The following SORCS3 variants were observed in gnomAD, a reference collection of about 807,000 sequenced individuals.
The protein encoded by SORCS3 is VPS10 domain-containing receptor SorCS3.
SORCS3 carries 57 observed loss-of-function variants against 146.3 expected under a neutral mutation model. The ratio of observed to expected loss-of-function variants is 0.39; its 90% CI spans 0.31 to 0.49. The LOEUF (loss-of-function observed/expected upper bound fraction) is 0.49. Among genes scored for constraint, SORCS3 ranks in the 20% least tolerant of loss-of-function variants. The pLI is 0.92. For synonymous variants in SORCS3, 653 were observed against 618.5 expected (o/e 1.06, Z -0.83); for missense variants, 1,341 against 1,575.5 (o/e 0.85, Z 2.52).
chr10:105,172,888 A>C (rs9664351), intron 13 of SORCS3, among the ~76,000 whole-genome samples: 14,753 of 152,232 alleles, frequency 0.097, 852 homozygotes, highest in Admixed American at 0.16. Context: ...TGTAGTTGAC[A>C]AATGACTCCA....
At chr10:104,809,225 C>T (rs538096251) in intron 1 of SORCS3, among the ~76,000 whole-genome samples, 28 of 152,290 alleles carry the variant, frequency 1.8e-4, no homozygotes, top group African/African-American at 5.8e-4. Context: ...GTTGCCTAAG[C>T]GTTCTGTGAG....
At chr10:105,092,375 T>G (rs2055716396) in intron 6 of SORCS3, among the ~76,000 whole-genome samples, 1 of 152,208 alleles carries the variant, frequency 6.6e-6, no homozygotes, top group Admixed American at 6.5e-5. Flanking sequence ...TTTATTTTAT[T>G]TTTTCATTAT....
intron 4 of SORCS3, among the ~76,000 whole-genome samples, chr10:105,010,269 T>G (rs2133680511): frequency 6.6e-6 from 1 of 152,368 alleles, no homozygotes; most frequent in South Asian, 2.1e-4. Context: ...CAGGGATTGT[T>G]GATAATTCTA....
intron 1 of SORCS3, among the ~76,000 whole-genome samples, chr10:104,791,355 C>T (rs770574335): frequency 2.0e-5 from 3 of 152,160 alleles, no homozygotes; most frequent in Non-Finnish European, 2.9e-5. Flanking sequence ...GACAAACAGC[C>T]TTTCCTTTTC....
chr10:104,863,288 T>C (rs1032072181), intron 2 of SORCS3, among the ~76,000 whole-genome samples: 1 of 152,188 alleles, frequency 6.6e-6, no homozygotes, highest in African/African-American at 2.4e-5. Flanking sequence ...GCAGAACACA[T>C]GCCTCTATGG....
intron 1 of SORCS3, among the ~76,000 whole-genome samples, chr10:104,826,775 T>C (rs926059897): frequency 6.6e-6 from 1 of 152,226 alleles, no homozygotes; most frequent in African/African-American, 2.4e-5. Context: ...GAAAGATTTC[T>C]CTGTAGAATG....
intron 14 of SORCS3, among the ~76,000 whole-genome samples, chr10:105,196,679 C>A (rs1454924509): frequency 6.6e-6 from 1 of 152,100 alleles, no homozygotes; most frequent in Admixed American, 6.6e-5. Context: ...CAAGAGAGCT[C>A]CCTAGAATAT....
rs1321628534 is a variant in SORCS3 at position 105,089,783 on chromosome 10, C to T, written c.1037C>T (p.Ala346Val). The change falls in exon 6 of 27, where the codon GCC becomes GTC. Residue 346 changes from alanine to valine, a missense_variant. By Grantham distance (64) the Ala-to-Val change is moderately conservative. Transcript: ENST00000369701. Reference protein sequence around the residue: ...ITPNRFYWSVAGLDKEADLVH... With the variant: ...ITPNRFYWSVVGLDKEADLVH... ...CTCCCTTCCTTTCCCAGGTCGGTGG[C>T]CGGATTGGATAAGGAGGCGGACCTG... 6.2e-7 allele frequency: 1 copy of T among 1,613,954 alleles called. No individual in the cohort carries two copies. The highest frequency in any genetic ancestry group is 8.5e-7 in the Non-Finnish European group (1 of 1,179,896).
At chr10:104,771,514 C>T (rs11192187) in intron 1 of SORCS3, among the ~76,000 whole-genome samples, 43,165 of 151,926 alleles carry the variant, frequency 0.28, 6,470 homozygotes, top group East Asian at 0.62. Context: ...GGTTCATCCT[C>T]GGGACCTCAG....
chr10:104,876,066 G>C lies in SORCS3; in HGVS notation c.695+33207G>C, dbSNP rs2491375. 8.2e-3 allele frequency among the ~76,000 whole-genome samples: 1,246 copies of C among 152,154 alleles called. 21 individuals are homozygous for C. Among genetic ancestry groups the C allele is most frequent in the African/African-American group, 0.029 (1,200 of 41,498 alleles). On this transcript the variant is annotated intron_variant, in intron 2 of 26. Transcript: ENST00000369701. ...TTCAAGGTCAAATGCCAATAAAGTA[G>C]CAAATTGTATTTCTCACCTTGACAT...
At chr10:105,242,855 T>TTA (rs1393918142) in intron 20 of SORCS3, among the ~76,000 whole-genome samples, 1 of 104,168 alleles carries the variant, frequency 9.6e-6, no homozygotes, top group Non-Finnish European at 1.7e-5. Flanking sequence ...TATATATAAA[T>TTA]TATATATATA....
At chr10:104,967,454 A>T (rs2054832215) in intron 3 of SORCS3, among the ~76,000 whole-genome samples, 1 of 152,202 alleles carries the variant, frequency 6.6e-6, no homozygotes, top group African/African-American at 2.4e-5. Context: ...TGCACATTGT[A>T]CAGCATATCT....
intron 6 of SORCS3, among the ~76,000 whole-genome samples, chr10:105,102,440 AT>A (rs1344766823): frequency 2.0e-5 from 3 of 152,216 alleles, no homozygotes; most frequent in Admixed American, 1.3e-4. Flanking sequence ...AGAAAAACAA[AT>A]ACCACATGTT....
At chr10:104,771,641 G>A (rs976998142) in intron 1 of SORCS3, among the ~76,000 whole-genome samples, 1 of 152,158 alleles carries the variant, frequency 6.6e-6, no homozygotes, top group African/African-American at 2.4e-5. Flanking sequence ...TCACTATGCC[G>A]TGAAGGTAAA....
chr10:105,096,139 A>AC (rs1564752774), intron 6 of SORCS3, among the ~76,000 whole-genome samples: 23 of 118,506 alleles, frequency 1.9e-4, no homozygotes, highest in Non-Finnish European at 3.4e-4. Flanking sequence ...CACAGACACA[A>AC]ACAAACAAGC....
chr10:104,765,568 G>A (rs1400844945), intron 1 of SORCS3, among the ~76,000 whole-genome samples: 1 of 152,206 alleles, frequency 6.6e-6, no homozygotes, highest in Non-Finnish European at 1.5e-5. Context: ...CTTCCAGCCA[G>A]CCCCCTGTGC....
chr10:104,696,661 TATATAATATATAAC>T, intron 1 of SORCS3, among the ~76,000 whole-genome samples: 1 of 9,938 alleles, frequency 1.0e-4, no homozygotes, highest in Non-Finnish European at 2.2e-4. Flanking sequence ...TATATACGTA[TATATAATATATAAC>T]ATATATAATA....
chr10:104,793,853 T>A (rs1284440816), intron 1 of SORCS3, among the ~76,000 whole-genome samples: 1 of 152,166 alleles, frequency 6.6e-6, no homozygotes, highest in East Asian at 1.9e-4. Flanking sequence ...GGATGGCAGG[T>A]GGAAATTGTG....
chr10:104,752,850 C>A (rs1037888915), intron 1 of SORCS3, among the ~76,000 whole-genome samples: 1 of 152,064 alleles, frequency 6.6e-6, no homozygotes, highest in Non-Finnish European at 1.5e-5. Context: ...TTCTATATAT[C>A]CTAAATGCCT....
Sources: gnomAD v4.1 joint callset for allele counts (sites outside exome capture counted in the v4.1 genomes callset) on GRCh38, gnomAD v4.1.1 for gene constraint, MANE v1.5 for transcripts, NCBI Gene and HGNC (gene_info 2026-07-23, HGNC 2026-07-21) for gene names.